Variants in PTPRN2 observed in about 807,000 individuals in gnomAD.
PTPRN2 encodes the protein protein tyrosine phosphatase receptor type N2, also known as receptor-type tyrosine-protein phosphatase N2.
PTPRN2 carries 74 observed loss-of-function variants against 118.8 expected under a neutral mutation model. The ratio of observed to expected loss-of-function variants is 0.62; its 90% CI spans 0.52 to 0.76. PTPRN2 has a LOEUF of 0.76. PTPRN2 is among the 30% of genes least tolerant of loss of function. The probability of loss-of-function intolerance (pLI) is 0.00; values close to 1 mark genes in which losing one functional copy is unlikely to be tolerated. For synonymous variants in PTPRN2, 641 were observed against 608.0 expected (o/e 1.05, Z -0.80); for missense variants, 1,481 against 1,394.4 (o/e 1.06, Z -0.99).
At chr7:158,245,703 C>A (rs1388561815) in intron 3 of PTPRN2, among the ~76,000 whole-genome samples, 1 of 152,146 alleles carries the variant, frequency 6.6e-6, no homozygotes, top group Non-Finnish European at 1.5e-5. Flanking sequence ...GCCCCTCTGG[C>A]AGTTTCCCCA....
intron 3 of PTPRN2, among the ~76,000 whole-genome samples, chr7:158,291,272 C>T (rs189948825): frequency 6.6e-6 from 1 of 152,198 alleles, no homozygotes; most frequent in African/African-American, 2.4e-5. Context: ...GATGTCTAAT[C>T]ATTTTCACAC....
chr7:158,071,712 C>CTGGTGGTGGAGGTGCTCG lies in PTPRN2; in HGVS notation c.1723+9568_1723+9585dup, dbSNP rs1440061549. ...GGAGGTGCTTGTGGTGGAGGTGCTC[C>CTGGTGGTGGAGGTGCTCG]TGGTGGTGGAGGTGCTCGTGGTGGT... is the stretch of plus-strand genomic sequence containing the variant. On this transcript the variant is annotated intron_variant, in intron 11 of 22. Coordinates refer to ENST00000389418, the MANE Select transcript of PTPRN2 (RefSeq NM_002847.5). 4.9e-4 allele frequency among the ~76,000 whole-genome samples: 23 copies of CTGGTGGTGGAGGTGCTCG among 47,220 alleles called. 1 individual carries two copies. The highest frequency in any genetic ancestry group is 2.6e-3 in the African/African-American group (18 of 6,796). 31.0% of individuals were successfully genotyped at this position (47,220 alleles called of 152,430 possible).
intron 2 of PTPRN2, among the ~76,000 whole-genome samples, chr7:158,458,489 G>A (rs946085524): frequency 7.9e-5 from 12 of 151,922 alleles, no homozygotes; most frequent in East Asian, 1.9e-4. Context: ...AAGCTCCCCC[G>A]GTTTTTAAAA....
At chr7:158,071,153 G>A (rs1407237216) in intron 11 of PTPRN2, among the ~76,000 whole-genome samples, 1 of 62,904 alleles carries the variant, frequency 1.6e-5, no homozygotes, top group African/African-American at 7.1e-5. Context: ...GGTGGTGGAG[G>A]TGCTCGTGGT....
At chr7:158,177,242 G>A (rs970300161) in intron 5 of PTPRN2, among the ~76,000 whole-genome samples, 2 of 152,172 alleles carry the variant, frequency 1.3e-5, no homozygotes, top group African/African-American at 4.8e-5. Flanking sequence ...CTCATCAAGA[G>A]TTGGTTTTAT....
chr7:157,983,507 C>T (rs1302589324), intron 11 of PTPRN2, among the ~76,000 whole-genome samples: 1 of 152,250 alleles, frequency 6.6e-6, no homozygotes, highest in Non-Finnish European at 1.5e-5. Context: ...TCACATCCCA[C>T]CCCAGCTTCC....
chr7:158,139,062 A>G (rs1159177704), intron 6 of PTPRN2, among the ~76,000 whole-genome samples: 1 of 152,174 alleles, frequency 6.6e-6, no homozygotes, highest in Non-Finnish European at 1.5e-5. Flanking sequence ...CTCGTCCAAG[A>G]AAGTAACTGC....
chr7:158,489,816 G>A (rs765249014), intron 1 of PTPRN2, 31 bp from the exon 2 acceptor site: 1 of 1,554,272 alleles, frequency 6.4e-7, no homozygotes. Flanking sequence ...GACGCGGTCA[G>A]CTGGAGGGGA....
At chr7:157,889,009 G>A (rs1796644775) in intron 12 of PTPRN2, among the ~76,000 whole-genome samples, 1 of 152,170 alleles carries the variant, frequency 6.6e-6, no homozygotes, top group Non-Finnish European at 1.5e-5. Context: ...AGACTTCTTT[G>A]TTATAACTTT....
rs1190009891 is a variant in PTPRN2, at chr7:158,171,302, T to TACAC, written c.550-4015_550-4012dup. On this transcript the variant is annotated intron_variant, in intron 5 of 22. Coordinates refer to ENST00000389418, the MANE Select transcript of PTPRN2 (RefSeq NM_002847.5). ...ACACATATATATACACACATATATA[T>TACAC]ACACACATATATATATATATATATA... 3.7e-4 allele frequency among the ~76,000 whole-genome samples: 9 copies of TACAC among 24,376 alleles called. 1 individual carries two copies. The highest frequency in any genetic ancestry group is 3.8e-3 in the East Asian group (2 of 528). The allele number at this position is 24,376 out of a possible 152,430, so 16.0% of individuals were successfully genotyped here. A position where few individuals can be genotyped will look rare whatever the true frequency, so the allele number is the denominator to read the frequency against.
chr7:158,291,358 C>T (rs546982538), intron 3 of PTPRN2, among the ~76,000 whole-genome samples: 1 of 152,286 alleles, frequency 6.6e-6, no homozygotes, highest in East Asian at 1.9e-4. Context: ...CAGAATCACA[C>T]ATATTTGTTG....
At chr7:158,336,386 C>T (rs1220249079) in intron 2 of PTPRN2, among the ~76,000 whole-genome samples, 20 of 133,980 alleles carry the variant, frequency 1.5e-4, no homozygotes, top group South Asian at 7.8e-4. Flanking sequence ...CACATGCAGA[C>T]GTCACTCACA....
At chr7:157,821,054 T>C (rs1376127480) in intron 12 of PTPRN2, among the ~76,000 whole-genome samples, 2 of 152,168 alleles carry the variant, frequency 1.3e-5, no homozygotes, top group Non-Finnish European at 2.9e-5. Context: ...AGGCCAGGCA[T>C]ACTGGACAGC....
Position 157,554,992 on chromosome 7 carries a change from T to TGTGGCGGGCGC in PTPRN2, c.2903-5974_2903-5973insGCGCCCGCCAC, listed in dbSNP as rs1362780937. Among the ~76,000 whole-genome samples, 472 of 151,772 alleles carry TGTGGCGGGCGC rather than the reference T, an allele frequency of 3.1e-3. 1 individual carries two copies. Among genetic ancestry groups the TGTGGCGGGCGC allele is most frequent in the Admixed American group, 4.4e-3 (68 of 15,294 alleles). ...GGCGGGCGCCCCAGTGTGGCGGGCGTCCCAGTGTGGTGAGCACCGGCCAAG... is the reference window on the plus strand; with the variant it reads ...GGCGGGCGCCCCAGTGTGGCGGGCGTGTGGCGGGCGCCCCAGTGTGGTGAGCACCGGCCAAG... On this transcript the variant is annotated intron_variant, in intron 21 of 22. Transcript: ENST00000389418.
chr7:157,713,593 C>T (rs1268983713), intron 12 of PTPRN2, among the ~76,000 whole-genome samples: 1 of 152,208 alleles, frequency 6.6e-6, no homozygotes, highest in East Asian at 1.9e-4. Flanking sequence ...GGCTCCCTCC[C>T]CGTCACTGAT....
Position 157,622,987 on chromosome 7 carries a change from C to T in PTPRN2, c.2197-1478G>A, listed in dbSNP as rs752267368. Among the ~76,000 whole-genome samples the T allele has an allele frequency of 2.7e-4, 41 of 152,192 alleles. No individual in the cohort carries two copies. Among genetic ancestry groups the T allele is most frequent in the Non-Finnish European group, 4.7e-4 (32 of 68,032 alleles). Reference sequence around the variant, plus strand: ...CAAAGCGAACGAGTTCATCTACTCCCGTCACCAGCCCCGACACCCAGGAAG... The same window carrying T: ...CAAAGCGAACGAGTTCATCTACTCCTGTCACCAGCCCCGACACCCAGGAAG... On this transcript the variant is annotated intron_variant, in intron 14 of 22. Transcript: ENST00000389418. The surrounding 1 kb of genome is among the most constrained non-coding windows in gnomAD (Gnocchi z 5.3).
chr7:157,918,087 CT>C (rs1798511170), intron 11 of PTPRN2, among the ~76,000 whole-genome samples: 1 of 152,190 alleles, frequency 6.6e-6, no homozygotes, highest in Non-Finnish European at 1.5e-5. Context: ...CACAAATAGC[CT>C]TAGGTTCTGC....
chr7:158,569,569 G>T (rs1827858644), intron 1 of PTPRN2, among the ~76,000 whole-genome samples: 1 of 152,224 alleles, frequency 6.6e-6, no homozygotes. Flanking sequence ...AGGAAGAGGG[G>T]ACACGGAGGC....
chr7:157,714,773 C>T (rs557677065), intron 12 of PTPRN2, among the ~76,000 whole-genome samples: 11 of 152,042 alleles, frequency 7.2e-5, no homozygotes, highest in South Asian at 2.1e-4. Flanking sequence ...GCGCCCAGTC[C>T]GACATGCTTC....
Sources: allele counts gnomAD v4.1 joint callset (sites outside exome capture counted in the v4.1 genomes callset), GRCh38; gene constraint gnomAD v4.1.1; non-coding constraint Gnocchi (gnomAD v3.1); transcripts MANE v1.5; gene names NCBI Gene and HGNC (gene_info 2026-07-23, HGNC 2026-07-21).